The following FCRL2 variants were observed in gnomAD, a reference collection of about 807,000 sequenced individuals.
The protein encoded by FCRL2 is Fc receptor-like protein 2.
In FCRL2, 48 loss-of-function variants were observed where a neutral mutation model predicts 59.8. The ratio of observed to expected loss-of-function variants is 0.80; its 90% CI spans 0.64 to 1.02. The LOEUF is 1.02. Ranked by LOEUF, FCRL2 falls within the 50% of genes least tolerant of loss-of-function variation. The pLI, the probability that FCRL2 is intolerant of heterozygous loss-of-function variation, is 0.00. For missense variants in FCRL2, 658 were observed against 597.3 expected (o/e 1.10, Z -1.06); for synonymous variants, 251 against 229.5 (o/e 1.09, Z -0.85).
chr1:157,768,787 G>A, intron 4 of FCRL2, 86 bp from the exon 5 acceptor site: 1 of 1,277,418 alleles, frequency 7.8e-7, no homozygotes, highest in Non-Finnish European at 1.1e-6. Flanking sequence ...AATGCAAAAT[G>A]TGGGAATGTG....
intron 7 of FCRL2, among the ~76,000 whole-genome samples, chr1:157,766,209 C>G (rs908695734): frequency 6.6e-6 from 1 of 152,218 alleles, no homozygotes; most frequent in Non-Finnish European, 1.5e-5. Flanking sequence ...CTGTGGCTCA[C>G]GCCTATAATC....
chr1:157,774,530 AAG>A (rs1233468197), intron 2 of FCRL2: 5 of 452,444 alleles, frequency 1.1e-5, no homozygotes, highest in African/African-American at 6.0e-5. Flanking sequence ...AAGGAAAAGA[AAG>A]AGAATGAAGT....
At chr1:157,747,042 G>A (rs1456302432) in intron 10 of FCRL2, 143 bp from the exon 11 acceptor site, 25 of 860,724 alleles carry the variant, frequency 2.9e-5, no homozygotes, top group Middle Eastern at 3.5e-4. Flanking sequence ...CTTTCTTAAA[G>A]TTGTTAATAC....
Position 157,770,556 on chromosome 1 carries a change from T to G in FCRL2, c.163A>C (p.Asn55His). ...KIQKMAYHKD[N>H]KELSVFKKFS... ...TTTTTGAAAACAGATAACTCTTTGT[T>G]ATCCTTATGGTAAGCCATCTTCTGA... The change falls in exon 3 of 12, where the codon AAC becomes CAC. Residue 55 changes from asparagine to histidine, a missense_variant. Physicochemically the swap from Asn to His is moderately conservative, Grantham distance 68. Coordinates refer to ENST00000361516, the MANE Select transcript of FCRL2 (RefSeq NM_030764.4). 1 of 1,614,244 alleles carries G rather than the reference T, an allele frequency of 6.2e-7. No individual in the cohort carries two copies. Among genetic ancestry groups the G allele is most frequent in the Middle Eastern group, 1.7e-4 (1 of 6,060 alleles).
rs189344007 is a variant in FCRL2 at position 157,767,231 on chromosome 1, C to T, written c.1162G>A (p.Gly388Arg). 4.3e-6 allele frequency: 7 copies of T among 1,610,360 alleles called. No individual in the cohort carries two copies. The East Asian group carries it at 1.3e-4, about 31-fold the overall frequency. The change falls in exon 6 of 12, where the codon GGA becomes AGA. Residue 388 changes from glycine (G) to arginine (R), a missense_variant and splice_region_variant. Physicochemically the swap from Gly to Arg is moderately radical, Grantham distance 125. Coordinates refer to ENST00000361516, the MANE Select transcript of FCRL2 (RefSeq NM_030764.4). ...CTGTATCCAGGTAACACCCACCCACCTGAGATGGAGACTGGCACTGCCTCA... is the reference window on the plus strand; with the variant it reads ...CTGTATCCAGGTAACACCCACCCACTTGAGATGGAGACTGGCACTGCCTCA... ...CSEAVPVSIS[G>R]PDGYRRDLMT...
intron 7 of FCRL2, among the ~76,000 whole-genome samples, chr1:157,760,758 GAAAGAAT>G (rs1649024979): frequency 8.1e-6 from 1 of 124,028 alleles, no homozygotes; most frequent in Non-Finnish European, 1.8e-5. Flanking sequence ...AAAGAAAGAA[GAAAGAAT>G]GAAAAAAGAA....
intron 1 of FCRL2, 109 bp downstream of exon 1, chr1:157,776,934 C>T: frequency 9.5e-7 from 1 of 1,057,706 alleles, no homozygotes; most frequent in South Asian, 1.3e-5. Context: ...GCAGGCAGGA[C>T]CTGAGCATCC....
intron 7 of FCRL2, among the ~76,000 whole-genome samples, chr1:157,761,611 C>T (rs569832654): frequency 4.6e-5 from 7 of 151,824 alleles, no homozygotes; most frequent in Non-Finnish European, 8.8e-5. Flanking sequence ...CTTGTCTCCC[C>T]CAAAAGGCAC....
chr1:157,767,144 C>T, intron 6 of FCRL2, 87 bp downstream of exon 6: 3 of 1,489,536 alleles, frequency 2.0e-6, no homozygotes, highest in Non-Finnish European at 2.7e-6. Flanking sequence ...AGATCACCTT[C>T]CCCCTCTTCA....
At chr1:157,763,324 A>G (rs1276705925) in intron 7 of FCRL2, among the ~76,000 whole-genome samples, 1 of 151,688 alleles carries the variant, frequency 6.6e-6, no homozygotes, top group Non-Finnish European at 1.5e-5. Flanking sequence ...CGAGTTTGAG[A>G]CTAGCCTGGC....
chr1:157,756,008 T>G lies in FCRL2; in HGVS notation c.1280-6331A>C. Among the ~76,000 whole-genome samples, 3 of 152,366 alleles carry G rather than the reference T, an allele frequency of 2.0e-5. No homozygotes were observed. The South Asian group carries it at 6.2e-4, about 32-fold the overall frequency. ...AACATATTTATTCAGTTATTTATTT[T>G]AAAGAAAAAATAAAAGGTATTGGGC... On this transcript the variant is annotated intron_variant, in intron 7 of 11. Coordinates refer to ENST00000361516, the MANE Select transcript of FCRL2 (RefSeq NM_030764.4).
At chr1:157,755,046 C>T (rs1347251176) in intron 7 of FCRL2, among the ~76,000 whole-genome samples, 1 of 151,764 alleles carries the variant, frequency 6.6e-6, no homozygotes, top group African/African-American at 2.4e-5. Flanking sequence ...AAATACGTTA[C>T]CAAACCTAGA....
At chr1:157,747,294 A>G (rs1647822815) in intron 10 of FCRL2, among the ~76,000 whole-genome samples, 1 of 152,088 alleles carries the variant, frequency 6.6e-6, no homozygotes, top group Non-Finnish European at 1.5e-5. Context: ...AGCATAGATA[A>G]CAGAAGACAG....
intron 7 of FCRL2, among the ~76,000 whole-genome samples, chr1:157,760,992 G>GT (rs1417761610): frequency 6.6e-6 from 1 of 152,118 alleles, no homozygotes; most frequent in Non-Finnish European, 1.5e-5. Context: ...TAGCTTAAAT[G>GT]TTTACTATGT....
At position 157,775,805 on chromosome 1, in the gene FCRL2, G is replaced by A; in HGVS notation, c.32-10C>T. The A allele has an allele frequency of 1.2e-6, 2 of 1,613,804 alleles. No homozygotes were observed. Among genetic ancestry groups the A allele is most frequent in the African/African-American group, 2.7e-5 (2 of 75,050 alleles). On this transcript the variant is annotated splice_polypyrimidine_tract_variant and intron_variant, in intron 1 of 11. Coordinates refer to ENST00000361516, the MANE Select transcript of FCRL2 (RefSeq NM_030764.4). ...TGTTCAGTGACTGCATCTGTGAGGAGATCAAAAGCCAGAGATTAGCACACA... is the reference window on the plus strand; with the variant it reads ...TGTTCAGTGACTGCATCTGTGAGGAAATCAAAAGCCAGAGATTAGCACACA...
intron 7 of FCRL2, among the ~76,000 whole-genome samples, chr1:157,759,139 G>T (rs958962287): frequency 1.7e-4 from 26 of 152,068 alleles, no homozygotes; most frequent in African/African-American, 5.6e-4. Flanking sequence ...AGATCTGATG[G>T]TTTTTTTCCC....
At chr1:157,771,453 T>C (rs1343764424) in intron 2 of FCRL2, among the ~76,000 whole-genome samples, 2 of 152,244 alleles carry the variant, frequency 1.3e-5, no homozygotes, top group Admixed American at 6.5e-5. Context: ...TGCCTGTTAC[T>C]GGAATAAGAT....
At chr1:157,763,541 C>G (rs1336189780) in intron 7 of FCRL2, among the ~76,000 whole-genome samples, 5 of 151,716 alleles carry the variant, frequency 3.3e-5, no homozygotes, top group Non-Finnish European at 5.9e-5. Flanking sequence ...AACAAACAAA[C>G]AAAGAAAAGA....
At chr1:157,760,685 A>T (rs1648968872) in intron 7 of FCRL2, among the ~76,000 whole-genome samples, 1 of 138,328 alleles carries the variant, frequency 7.2e-6, no homozygotes, top group South Asian at 2.3e-4. Flanking sequence ...GAAGGAAAGA[A>T]AGAAAGAAAG....
Sources: gnomAD v4.1 joint callset for allele counts (sites outside exome capture counted in the v4.1 genomes callset) on GRCh38, gnomAD v4.1.1 for gene constraint, MANE v1.5 for transcripts, NCBI Gene and HGNC (gene_info 2026-07-23, HGNC 2026-07-21) for gene names.